The following PHF8 variants were observed in gnomAD, a reference collection of about 807,000 sequenced individuals.
PHF8 encodes PHD finger protein 8.
In PHF8, 9 loss-of-function variants were observed where a neutral mutation model predicts 74.4. The ratio of observed to expected loss-of-function variants is 0.12; its 90% CI spans 0.07 to 0.21. The LOEUF is 0.21. Ranked by LOEUF, PHF8 falls within the 10% of genes least tolerant of loss-of-function variation. PHF8 has a pLI of 1.00. For synonymous variants in PHF8, 311 were observed against 316.6 expected, an observed-to-expected ratio of 0.98 and a Z score of 0.19; for missense variants, 478 against 816.6, an observed-to-expected ratio of 0.59 and a Z score of 5.05.
intron 18 of PHF8, among the ~76,000 whole-genome samples, chrX:53,983,905 T>C (rs1417095076): frequency 1.8e-5 from 2 of 112,167 alleles, no homozygotes; most frequent in Non-Finnish European, 3.8e-5. Context: ...TGTCTACATA[T>C]GAATGTAAAC....
At chrX:54,022,611 T>A in intron 3 of PHF8, 147 bp downstream of exon 3, 1 of 496,547 alleles carries the variant, frequency 2.0e-6, no homozygotes. Context: ...AGATAGGTGC[T>A]GGCCTGTGGA....
Position 53,944,241 on chromosome X carries a change from G to A in PHF8, c.2542C>T (p.Arg848Cys). The A allele has an allele frequency of 8.4e-7, 1 of 1,187,218 alleles. No individual in the cohort carries two copies. Among genetic ancestry groups the A allele is most frequent in the Non-Finnish European group, 1.1e-6 (1 of 873,927 alleles). ...SDDAPWSPKA[R>C]VTPTLPKQDR... Reference sequence around the variant, plus strand: ...TGCTTCGGCAGAGTTGGGGTCACGCGGGCTGCAAGGGAAACAGGATGAGAA... The same window carrying A: ...TGCTTCGGCAGAGTTGGGGTCACGCAGGCTGCAAGGGAAACAGGATGAGAA... The change falls in exon 20 of 22, where the codon CGC becomes TGC. Residue 848 changes from arginine (R) to cysteine (C), a missense_variant and splice_region_variant. Physicochemically the swap from Arg to Cys is radical, Grantham distance 180. Transcript: ENST00000338154.
intron 2 of PHF8, among the ~76,000 whole-genome samples, chrX:54,034,736 T>C (rs1019388529): frequency 3.7e-5 from 4 of 108,161 alleles, no homozygotes; most frequent in East Asian, 2.9e-4. Context: ...AGGCAGAGAA[T>C]TGTTTAAACC....
At chrX:53,941,011 TC>T (rs1250784223) in intron 20 of PHF8, among the ~76,000 whole-genome samples, 1 of 112,279 alleles carries the variant, frequency 8.9e-6, no homozygotes, top group Non-Finnish European at 1.9e-5. Flanking sequence ...GGGACCACTA[TC>T]TAACCAGGTC....
intron 18 of PHF8, among the ~76,000 whole-genome samples, chrX:53,973,425 G>C (rs1357366974): frequency 1.8e-5 from 2 of 111,596 alleles, no homozygotes; most frequent in East Asian, 2.8e-4. Context: ...AAAACAGCAT[G>C]CAACTGGTAC....
chrX:54,027,160 A>C (rs1220299449), intron 2 of PHF8, among the ~76,000 whole-genome samples: 1 of 109,959 alleles, frequency 9.1e-6, no homozygotes, highest in East Asian at 2.8e-4. Context: ...AGTATCTTCA[A>C]TCTCTCTCTT....
At chrX:53,979,097 C>T (rs2065435682) in intron 18 of PHF8, among the ~76,000 whole-genome samples, 1 of 111,589 alleles carries the variant, frequency 9.0e-6, no homozygotes, top group Non-Finnish European at 1.9e-5. Flanking sequence ...AATAAAATTT[C>T]AGGCCAGGCA....
intron 18 of PHF8, among the ~76,000 whole-genome samples, chrX:53,970,123 C>T (rs782178507): frequency 1.9e-4 from 21 of 111,646 alleles, no homozygotes; most frequent in Non-Finnish European, 3.8e-4. Context: ...CAAGAATACA[C>T]AAATATAATT....
At chrX:53,943,002 C>G (rs1409207256) in intron 20 of PHF8, 33 of 766,594 alleles carry the variant, frequency 4.3e-5, no homozygotes, top group Non-Finnish European at 5.1e-5. Flanking sequence ...TCCCTGGCCC[C>G]TACCAGAAGC....
intron 2 of PHF8, among the ~76,000 whole-genome samples, chrX:54,023,240 G>C (rs1278650515): frequency 2.7e-5 from 3 of 111,235 alleles, no homozygotes; most frequent in Non-Finnish European, 5.6e-5. Context: ...GCCTCCCGAA[G>C]TGCTAGGATT....
In PHF8 at chrX:53,949,704, C is replaced by G. The variant is rs2064890129; in HGVS notation, c.2540-5461G>C. Among the ~76,000 whole-genome samples the G allele has an allele frequency of 2.9e-5, 3 of 102,543 alleles. No homozygotes were observed. In the Middle Eastern group the frequency reaches 0.017, roughly 567 times the overall value. The allele number at this position is 102,543 out of a possible 115,157, so 89.0% of individuals were successfully genotyped here. A position where few individuals can be genotyped will look rare whatever the true frequency, so the allele number is the denominator to read the frequency against. ...ACAGGCGCCTGTAGTCCCAGCTACT[C>G]AGGAGGCTGAGGCAGGAGAATGGTG... On this transcript the variant is annotated intron_variant, in intron 19 of 21. Transcript: ENST00000338154.
intron 2 of PHF8, among the ~76,000 whole-genome samples, chrX:54,027,870 C>G (rs1431486846): frequency 9.1e-6 from 1 of 110,124 alleles, no homozygotes; most frequent in African/African-American, 3.3e-5. Flanking sequence ...CAAGATAAAT[C>G]AATGCAATTG....
intron 2 of PHF8, among the ~76,000 whole-genome samples, chrX:54,024,752 C>T (rs782304323): frequency 9.5e-4 from 107 of 112,466 alleles, no homozygotes; most frequent in Non-Finnish European, 5.8e-4. Flanking sequence ...GAGTAAGCAT[C>T]ACTATTATGC....
chrX:53,964,868 C>CAAAAAAAAAAAAAAA (rs782274910), intron 18 of PHF8, among the ~76,000 whole-genome samples: 1 of 37,779 alleles, frequency 2.6e-5, no homozygotes, highest in Non-Finnish European at 5.0e-5. Flanking sequence ...AACTCTGCCT[C>CAAAAAAAAAAAAAAA]AAAAAAAAAA....
chrX:53,938,448 C>A lies in PHF8; in HGVS notation c.*710G>T. The A allele has an allele frequency of 1.3e-6, 1 of 785,442 alleles. No homozygotes were observed. Among genetic ancestry groups the A allele is most frequent in the South Asian group, 6.3e-5 (1 of 15,907 alleles). The allele number at this position is 785,442 out of a possible 1,213,427, so 64.7% of individuals were successfully genotyped here. A position where few individuals can be genotyped will look rare whatever the true frequency, so the allele number is the denominator to read the frequency against. On this transcript the variant is annotated 3_prime_UTR_variant, in exon 22 of 22. Coordinates refer to ENST00000338154, the MANE Select transcript of PHF8 (RefSeq NM_015107.3). ...AAAAGTAGCTTCCTCCAACAGGCTA[C>A]AAAACCGTGGTCAAAGGCTTGGGCA...
intron 18 of PHF8, among the ~76,000 whole-genome samples, chrX:53,976,379 A>G (rs909502292): frequency 1.8e-5 from 2 of 111,602 alleles, no homozygotes; most frequent in African/African-American, 6.5e-5. Context: ...TAAATAATCT[A>G]AACGATCATC....
At chrX:54,014,636 C>A (rs2066032573) in intron 6 of PHF8, 73 bp from the exon 7 acceptor site, 3 of 736,208 alleles carry the variant, frequency 4.1e-6, no homozygotes, top group South Asian at 4.5e-5. Flanking sequence ...TAAAATACCC[C>A]ACAGTTCAGT....
chrX:53,948,944 GA>G (rs1177996692), intron 19 of PHF8, among the ~76,000 whole-genome samples: 1 of 110,023 alleles, frequency 9.1e-6, no homozygotes, highest in East Asian at 2.9e-4. Context: ...AGAATCGCTT[GA>G]ACCCAGGAGG....
At chrX:54,001,912 T>C (rs1464619998) in intron 10 of PHF8, among the ~76,000 whole-genome samples, 1 of 111,109 alleles carries the variant, frequency 9.0e-6, no homozygotes, top group African/African-American at 3.3e-5. Flanking sequence ...TGAAATCCTA[T>C]CTCAAAAAAG....
Sources: gnomAD v4.1 joint callset for allele counts (sites outside exome capture counted in the v4.1 genomes callset) on GRCh38, gnomAD v4.1.1 for gene constraint, MANE v1.5 for transcripts, NCBI Gene and HGNC (gene_info 2026-07-23, HGNC 2026-07-21) for gene names.